CPNE8: variants seen among roughly 807,000 people sequenced by gnomAD.
CPNE8 encodes copine-8.
CPNE8 carries 45 observed loss-of-function variants against 81.5 expected under a neutral mutation model. That is an observed-to-expected ratio of 0.55 (90% CI 0.44 to 0.71). The LOEUF (loss-of-function observed/expected upper bound fraction) is 0.71. Ranked by LOEUF, CPNE8 falls within the 30% of genes least tolerant of loss-of-function variation. The probability of loss-of-function intolerance (pLI) is 0.00; values close to 1 mark genes in which losing one functional copy is unlikely to be tolerated. For missense variants in CPNE8, 594 were observed against 672.1 expected, an observed-to-expected ratio of 0.88 and a Z score of 1.28; for synonymous variants, 252 against 226.3, an observed-to-expected ratio of 1.11 and a Z score of -1.02.
At chr12:38,874,069 G>A (rs1944029558) in intron 2 of CPNE8, among the ~76,000 whole-genome samples, 3 of 149,908 alleles carry the variant, frequency 2.0e-5, no homozygotes, top group African/African-American at 7.4e-5. Context: ...CAAAGTGCTG[G>A]GATTATAGGC....
intron 6 of CPNE8, among the ~76,000 whole-genome samples, chr12:38,807,363 T>C (rs71463310): frequency 6.0e-5 from 9 of 149,332 alleles, no homozygotes; most frequent in Non-Finnish European, 9.0e-5. Context: ...ACTACAAGGC[T>C]ACAGTCACCA....
chr12:38,701,903 T>C (rs1342075085), intron 14 of CPNE8, among the ~76,000 whole-genome samples: 2 of 152,174 alleles, frequency 1.3e-5, no homozygotes, highest in Admixed American at 6.5e-5. Context: ...GAAAGCTGAA[T>C]TAGAGTCTGG....
chr12:38,796,250 G>A (rs1942469188), intron 6 of CPNE8, among the ~76,000 whole-genome samples: 1 of 151,996 alleles, frequency 6.6e-6, no homozygotes, highest in Non-Finnish European at 1.5e-5. Context: ...TCGTGCTACT[G>A]CACTCCAGCC....
At position 38,806,663 on chromosome 12, in the gene CPNE8, A is replaced by T. The variant is rs1368221201; in HGVS notation, c.407+22716T>A. On this transcript the variant is annotated intron_variant, in intron 6 of 19. Transcript: ENST00000331366. ...CCAATATCATACTGAATGGGCAAAA[A>T]CTAGAAGCATTCCCTTTGAAAACTG... 1.4e-5 allele frequency among the ~76,000 whole-genome samples: 2 copies of T among 140,842 alleles called. 1 individual carries two copies. The highest frequency in any genetic ancestry group is 3.2e-5 in the Non-Finnish European group (2 of 63,118). 92.4% of individuals were successfully genotyped at this position (140,842 alleles called of 152,430 possible).
At chr12:38,842,406 T>C (rs540973060) in intron 4 of CPNE8, among the ~76,000 whole-genome samples, 97 of 152,110 alleles carry the variant, frequency 6.4e-4, no homozygotes, top group African/African-American at 2.2e-3. Flanking sequence ...AAAAGGAAAA[T>C]GTTTTCATCA....
intron 1 of CPNE8, among the ~76,000 whole-genome samples, chr12:38,879,067 T>A (rs1207009322): frequency 3.9e-5 from 6 of 152,178 alleles, no homozygotes; most frequent in Non-Finnish European, 7.3e-5. Context: ...TATATATAAT[T>A]TAAGTGATCT....
At chr12:38,730,142 T>A (rs1940797505) in intron 11 of CPNE8, 141 bp downstream of exon 11, 3 of 571,994 alleles carry the variant, frequency 5.2e-6, no homozygotes. Flanking sequence ...TCTAAAAATG[T>A]CTGCTCAACA....
intron 5 of CPNE8, among the ~76,000 whole-genome samples, chr12:38,834,573 G>T (rs1018487338): frequency 6.6e-6 from 1 of 152,062 alleles, no homozygotes; most frequent in Non-Finnish European, 1.5e-5. Flanking sequence ...ACCACCAAAG[G>T]TTGCTCACCC....
chr12:38,785,461 G>A (rs905628996), intron 6 of CPNE8, among the ~76,000 whole-genome samples: 1 of 152,110 alleles, frequency 6.6e-6, no homozygotes, highest in African/African-American at 2.4e-5. Flanking sequence ...CTGGTGGGAG[G>A]TAATTGAATC....
chr12:38,845,008 C>T (rs1565645540), intron 4 of CPNE8, among the ~76,000 whole-genome samples: 2 of 151,730 alleles, frequency 1.3e-5, no homozygotes, highest in Admixed American at 6.6e-5. Flanking sequence ...TTTGTCACAC[C>T]CAACTAAAAC....
intron 6 of CPNE8, among the ~76,000 whole-genome samples, chr12:38,788,643 G>A (rs1368589307): frequency 1.3e-5 from 2 of 151,520 alleles, no homozygotes; most frequent in Admixed American, 6.6e-5. Context: ...GGTATAGAAG[G>A]CATCCAAATC....
At chr12:38,689,376 T>G (rs1221211207) in intron 15 of CPNE8, among the ~76,000 whole-genome samples, 1 of 152,214 alleles carries the variant, frequency 6.6e-6, no homozygotes, top group Admixed American at 6.5e-5. Flanking sequence ...GCAAGAAGTC[T>G]GTCATCTCTG....
chr12:38,880,544 C>A (rs562729717), intron 1 of CPNE8, among the ~76,000 whole-genome samples: 1 of 152,126 alleles, frequency 6.6e-6, no homozygotes, highest in South Asian at 2.1e-4. Flanking sequence ...CATCACTGAG[C>A]CCCGTGTCAC....
chr12:38,802,920 A>G (rs1305863304), intron 6 of CPNE8, among the ~76,000 whole-genome samples: 3 of 149,674 alleles, frequency 2.0e-5, no homozygotes, highest in Admixed American at 6.7e-5. Context: ...AAATAGATAC[A>G]TTCCTCGACA....
chr12:38,740,183 G>T (rs1377421006), intron 10 of CPNE8, among the ~76,000 whole-genome samples: 1 of 152,160 alleles, frequency 6.6e-6, no homozygotes, highest in African/African-American at 2.4e-5. Flanking sequence ...GTTCACTCAT[G>T]ATTTGGCTCT....
intron 10 of CPNE8, among the ~76,000 whole-genome samples, chr12:38,738,773 T>G (rs930512583): frequency 1.3e-5 from 2 of 148,760 alleles, no homozygotes; most frequent in African/African-American, 5.2e-5. Flanking sequence ...CATCATTACT[T>G]TTCTCACCTC....
At chr12:38,806,356 A>T (rs1436935708) in intron 6 of CPNE8, among the ~76,000 whole-genome samples, 1 of 149,410 alleles carries the variant, frequency 6.7e-6, no homozygotes, top group Non-Finnish European at 1.5e-5. Flanking sequence ...ATCCTCAATA[A>T]AATACTGGCA....
At chr12:38,838,612 GC>G (rs1474221520) in intron 5 of CPNE8, among the ~76,000 whole-genome samples, 3 of 152,124 alleles carry the variant, frequency 2.0e-5, no homozygotes, top group African/African-American at 7.2e-5. Flanking sequence ...TAGTCACAAT[GC>G]TATAAACCTT....
At chr12:38,833,163 G>C (rs959517323) in intron 5 of CPNE8, among the ~76,000 whole-genome samples, 11 of 151,690 alleles carry the variant, frequency 7.3e-5, no homozygotes, top group Non-Finnish European at 1.3e-4. Flanking sequence ...GACCAGTCGG[G>C]CCAACATGGT....
Sources: gnomAD v4.1 joint callset for allele counts (sites outside exome capture counted in the v4.1 genomes callset) on GRCh38, gnomAD v4.1.1 for gene constraint, MANE v1.5 for transcripts, NCBI Gene and HGNC (gene_info 2026-07-23, HGNC 2026-07-21) for gene names.